TOM1L2: variants seen among roughly 807,000 people sequenced by gnomAD.
TOM1L2 encodes the protein TOM1-like protein 2.
In TOM1L2, 31 loss-of-function variants were observed where a neutral mutation model predicts 67.9. The observed-to-expected ratio is 0.46, with a 90% CI of 0.34 to 0.62. The LOEUF (loss-of-function observed/expected upper bound fraction) is 0.62. TOM1L2 is among the 20% of genes least tolerant of loss of function. The probability of loss-of-function intolerance (pLI) is 0.01; values close to 1 mark genes in which losing one functional copy is unlikely to be tolerated. For synonymous variants in TOM1L2, 256 were observed against 254.0 expected, an observed-to-expected ratio of 1.01 and a Z score of -0.07; for missense variants, 606 against 663.5, an observed-to-expected ratio of 0.91 and a Z score of 0.95.
intron 3 of TOM1L2, among the ~76,000 whole-genome samples, chr17:17,895,134 G>A (rs966561878): frequency 7.2e-5 from 11 of 152,148 alleles, no homozygotes; most frequent in African/African-American, 2.2e-4. Flanking sequence ...GGACAGGTAT[G>A]TAGCCTCTTG....
At chr17:17,959,039 T>C (rs962761062) in intron 1 of TOM1L2, among the ~76,000 whole-genome samples, 1 of 152,238 alleles carries the variant, frequency 6.6e-6, no homozygotes, top group Non-Finnish European at 1.5e-5. Flanking sequence ...TCCCCACACC[T>C]TGCCCGATGA....
intron 1 of TOM1L2, among the ~76,000 whole-genome samples, chr17:17,918,009 C>T (rs943975794): frequency 6.6e-6 from 1 of 151,800 alleles, no homozygotes; most frequent in Non-Finnish European, 1.5e-5. Context: ...ATATTTATGT[C>T]TTCTTTCTTC....
intron 7 of TOM1L2, among the ~76,000 whole-genome samples, chr17:17,870,706 T>C (rs1026984410): frequency 2.6e-5 from 4 of 152,252 alleles, no homozygotes; most frequent in Non-Finnish European, 4.4e-5. Flanking sequence ...TATTGTCTCA[T>C]AATCTTGCTA....
chr17:17,963,598 A>C (rs1300565263), intron 1 of TOM1L2, among the ~76,000 whole-genome samples: 1 of 152,180 alleles, frequency 6.6e-6, no homozygotes, highest in Non-Finnish European at 1.5e-5. Flanking sequence ...TATGCACAGC[A>C]CTCAGCAAGG....
intron 1 of TOM1L2, among the ~76,000 whole-genome samples, chr17:17,930,898 A>C (rs1159734240): frequency 6.6e-6 from 1 of 152,202 alleles, no homozygotes; most frequent in Non-Finnish European, 1.5e-5. Context: ...GCAGAATAAA[A>C]GGCATTCCTC....
rs745885112 is a variant in TOM1L2, at chr17:17,882,757, G to C, written c.608C>G (p.Pro203Arg). 3 of 1,614,202 alleles carry C rather than the reference G, an allele frequency of 1.9e-6. No individual in the cohort carries two copies. The highest frequency in any genetic ancestry group is 1.7e-5 in the Admixed American group (1 of 60,030). Residue 203 changes from proline to arginine, a missense_variant, in exon 6 of 15, where the codon CCG becomes CGG. Physicochemically the swap from Pro to Arg is moderately radical, Grantham distance 103. Coordinates refer to ENST00000379504, the MANE Select transcript of TOM1L2 (RefSeq NM_001082968.2). ...SSPPPAPYSAPQAPALSVTGP... is the reference protein window; with the variant it reads ...SSPPPAPYSARQAPALSVTGP... Reference sequence around the variant, plus strand: ...AGTCACACTCAGAGCTGGGGCCTGCGGTGCGGAGTAGGGAGCAGGAGGCGG... The same window carrying C: ...AGTCACACTCAGAGCTGGGGCCTGCCGTGCGGAGTAGGGAGCAGGAGGCGG...
At chr17:17,953,680 T>A (rs144541510) in intron 1 of TOM1L2, among the ~76,000 whole-genome samples, 1 of 152,268 alleles carries the variant, frequency 6.6e-6, no homozygotes, top group East Asian at 1.9e-4. Context: ...CCAACACACA[T>A]GAAGACACAT....
At chr17:17,944,187 T>G (rs1164751837) in intron 1 of TOM1L2, among the ~76,000 whole-genome samples, 1 of 152,248 alleles carries the variant, frequency 6.6e-6, no homozygotes, top group Non-Finnish European at 1.5e-5. Flanking sequence ...AGGCAGGGGT[T>G]GTGCAAGCCA....
At chr17:17,923,923 G>A (rs2039983779) in intron 1 of TOM1L2, among the ~76,000 whole-genome samples, 1 of 151,914 alleles carries the variant, frequency 6.6e-6, no homozygotes, top group South Asian at 2.1e-4. Context: ...AGATCATAAG[G>A]TCAGGAGTTT....
chr17:17,902,334 C>T (rs2038893878), intron 2 of TOM1L2, among the ~76,000 whole-genome samples: 1 of 152,166 alleles, frequency 6.6e-6, no homozygotes, highest in South Asian at 2.1e-4. Flanking sequence ...CAAGGAGAGG[C>T]CTTTCGGGCA....
At chr17:17,863,122 C>T (rs73299873) in intron 10 of TOM1L2, among the ~76,000 whole-genome samples, 1 of 152,134 alleles carries the variant, frequency 6.6e-6, no homozygotes, top group Non-Finnish European at 1.5e-5. Flanking sequence ...CAGGGACTGG[C>T]GCCAGTGCAC....
chr17:17,920,528 C>T (rs146614581), intron 1 of TOM1L2, among the ~76,000 whole-genome samples: 78 of 151,716 alleles, frequency 5.1e-4, no homozygotes, highest in Middle Eastern at 6.8e-3. Context: ...TTAGTAGAGA[C>T]GGGGTTTCAC....
At chr17:17,917,396 T>C (rs1446324490) in intron 1 of TOM1L2, among the ~76,000 whole-genome samples, 3 of 151,128 alleles carry the variant, frequency 2.0e-5, no homozygotes, top group Admixed American at 6.6e-5. Flanking sequence ...TCCCTTGAGA[T>C]TTCATGTGAA....
intron 7 of TOM1L2, among the ~76,000 whole-genome samples, chr17:17,871,705 C>T (rs1030959142): frequency 1.4e-4 from 22 of 152,176 alleles, no homozygotes; most frequent in African/African-American, 4.8e-4. Flanking sequence ...GTATTCTGAA[C>T]TCTTGGTCCC....
chr17:17,926,711 A>G (rs2040099951), intron 1 of TOM1L2, among the ~76,000 whole-genome samples: 1 of 152,024 alleles, frequency 6.6e-6, no homozygotes, highest in African/African-American at 2.4e-5. Flanking sequence ...TACAAAAATT[A>G]GCTGGGCCTG....
intron 4 of TOM1L2, among the ~76,000 whole-genome samples, chr17:17,890,558 C>CT (rs2038222918): frequency 6.6e-6 from 1 of 152,190 alleles, no homozygotes; most frequent in South Asian, 2.1e-4. Flanking sequence ...AGTGTGTTCA[C>CT]ACAACAGGAC....
intron 1 of TOM1L2, among the ~76,000 whole-genome samples, chr17:17,922,304 C>A (rs138679512): frequency 6.6e-6 from 1 of 152,166 alleles, no homozygotes; most frequent in African/African-American, 2.4e-5. Context: ...GCCAGGGCCT[C>A]GGTGAAGGGG....
At position 17,853,012 on chromosome 17, in the gene TOM1L2, A is replaced by G. The variant is rs148793622; in HGVS notation, c.1279-2060T>C. Among the ~76,000 whole-genome samples the G allele has an allele frequency of 1.4e-4, 21 of 152,266 alleles. No individual in the cohort carries two copies. The South Asian group carries it at 1.7e-3, about 12-fold the overall frequency. ...CAAATGACTGACAGATGTGTTAACA[A>G]TGCCTAAGGCTGGCACTTCCTTGCC... On this transcript the variant is annotated intron_variant, in intron 12 of 14. Transcript: ENST00000379504.
At chr17:17,916,939 C>T (rs1598333346) in intron 1 of TOM1L2, among the ~76,000 whole-genome samples, 1 of 152,280 alleles carries the variant, frequency 6.6e-6, no homozygotes, top group Non-Finnish European at 1.5e-5. Context: ...AGGTGGATCA[C>T]GAGGTCAAGA....
Sources: gnomAD v4.1 joint callset for allele counts (sites outside exome capture counted in the v4.1 genomes callset) on GRCh38, gnomAD v4.1.1 for gene constraint, MANE v1.5 for transcripts, NCBI Gene and HGNC (gene_info 2026-07-23, HGNC 2026-07-21) for gene names.